The following TWIST2 variants were observed in gnomAD, a reference collection of about 807,000 sequenced individuals.
The protein encoded by TWIST2 is twist-related protein 2.
A neutral mutation model predicts 11.6 loss-of-function variants in TWIST2; 1 was observed. That is an observed-to-expected ratio of 0.09 (90% CI 0.03 to 0.41). The LOEUF (loss-of-function observed/expected upper bound fraction) is 0.41, where lower values mean the gene tolerates loss of function less well. TWIST2 is among the 10% of genes least tolerant of loss of function. The probability of loss-of-function intolerance (pLI) is 0.98; values close to 1 mark genes in which losing one functional copy is unlikely to be tolerated. For synonymous variants in TWIST2, 87 were observed against 96.6 expected (o/e 0.90, Z 0.58); for missense variants, 168 against 226.4 (o/e 0.74, Z 1.66).
chr2:238,857,849 A>G (rs1692358756), intron 1 of TWIST2, among the ~76,000 whole-genome samples: 1 of 152,180 alleles, frequency 6.6e-6, no homozygotes, highest in Non-Finnish European at 1.5e-5. Context: ...AGGCAGGAGA[A>G]TCACTTGAAC....
At chr2:238,888,538 G>A (rs186255120) in intron 1 of TWIST2, among the ~76,000 whole-genome samples, 18 of 152,278 alleles carry the variant, frequency 1.2e-4, no homozygotes, top group African/African-American at 4.3e-4. Context: ...GTATATTCAT[G>A]GGGTCTGTAT....
chr2:238,869,456 T>G (rs144567727), intron 1 of TWIST2, among the ~76,000 whole-genome samples: 2,386 of 152,324 alleles, frequency 0.016, 57 homozygotes, highest in African/African-American at 0.054. Context: ...ATCCATCTGA[T>G]AGGAGAGAAC....
At chr2:238,897,156 C>T (rs1693216137) in intron 1 of TWIST2, among the ~76,000 whole-genome samples, 1 of 152,336 alleles carries the variant, frequency 6.6e-6, no homozygotes, top group South Asian at 2.1e-4. Flanking sequence ...CCTCCAACGC[C>T]CCCTTTGAAA....
intron 1 of TWIST2, among the ~76,000 whole-genome samples, chr2:238,893,106 T>C (rs1693165752): frequency 6.6e-6 from 1 of 152,198 alleles, no homozygotes; most frequent in Non-Finnish European, 1.5e-5. Flanking sequence ...AAATCTGAGT[T>C]CCCAGGGATT....
intron 1 of TWIST2, among the ~76,000 whole-genome samples, chr2:238,883,454 C>T (rs4129101): frequency 0.59 from 89,690 of 152,042 alleles, 26,553 homozygotes; most frequent in African/African-American, 0.65. Context: ...TGACATTAAA[C>T]AGGAAAAATA....
chr2:238,894,566 A>G (rs1693185167), intron 1 of TWIST2, among the ~76,000 whole-genome samples: 1 of 152,162 alleles, frequency 6.6e-6, no homozygotes, highest in Admixed American at 6.5e-5. Flanking sequence ...TCTGACAGAG[A>G]GATCTGATGG....
intron 1 of TWIST2, among the ~76,000 whole-genome samples, chr2:238,905,022 A>G (rs1285159392): frequency 6.6e-6 from 1 of 150,932 alleles, no homozygotes; most frequent in Non-Finnish European, 1.5e-5. Context: ...AGGAAGGAAG[A>G]AAGAAGTAGG....
In TWIST2 at chr2:238,853,536, A is replaced by G. The variant is rs146976881; in HGVS notation, c.*35+4803A>G. Among the ~76,000 whole-genome samples the G allele has an allele frequency of 3.1e-3, 469 of 152,248 alleles. 4 individuals carry two copies. The highest frequency in any genetic ancestry group is 6.8e-3 in the Middle Eastern group (2 of 294). ...TTTTAATGAATAATTGTTTAGAAACATATTTTCTGTTTTTGTTTGGTAGTA... is the reference window on the plus strand; with the variant it reads ...TTTTAATGAATAATTGTTTAGAAACGTATTTTCTGTTTTTGTTTGGTAGTA... On this transcript the variant is annotated intron_variant, in intron 1 of 1. Transcript: ENST00000612363.
At chr2:238,878,700 A>G (rs886130860) in intron 1 of TWIST2, among the ~76,000 whole-genome samples, 3 of 152,228 alleles carry the variant, frequency 2.0e-5, no homozygotes, top group Non-Finnish European at 4.4e-5. Context: ...TTTCTCTGAG[A>G]ACAATAGCAA....
chr2:238,861,574 C>T lies in TWIST2; in HGVS notation c.*35+12841C>T, dbSNP rs546803016. ...TTCCGCCCTTGTCTCCTCCACTCCT[C>T]CTCCCTATCTCTATCTCACTATCCC... On this transcript the variant is annotated intron_variant, in intron 1 of 1. Coordinates refer to ENST00000612363, the MANE Select transcript of TWIST2 (RefSeq NM_001271893.4). 3.3e-5 allele frequency among the ~76,000 whole-genome samples: 5 copies of T among 152,254 alleles called. No homozygotes were observed. The East Asian group carries it at 9.7e-4, about 29-fold the overall frequency.
At chr2:238,875,383 C>T (rs1692785795) in intron 1 of TWIST2, among the ~76,000 whole-genome samples, 1 of 152,058 alleles carries the variant, frequency 6.6e-6, no homozygotes, top group South Asian at 2.1e-4. Context: ...CCCACTGGGT[C>T]AGACTTGTCA....
rs1693341092 is a variant in TWIST2 at position 238,905,920 on chromosome 2, G to GGTGTGTGT, written c.*36-3917_*36-3916insTGTGTGTG. Among the ~76,000 whole-genome samples the GGTGTGTGT allele has an allele frequency of 7.9e-3, 895 of 113,134 alleles. 6 individuals are homozygous for GGTGTGTGT. Among genetic ancestry groups the GGTGTGTGT allele is most frequent in the African/African-American group, 0.03 (824 of 27,816 alleles). 74.2% of individuals were successfully genotyped at this position (113,134 alleles called of 152,430 possible). A position where few individuals can be genotyped will look rare whatever the true frequency, so the allele number is the denominator to read the frequency against. On this transcript the variant is annotated intron_variant, in intron 1 of 1. Coordinates refer to ENST00000612363, the MANE Select transcript of TWIST2 (RefSeq NM_001271893.4). Reference sequence around the variant, plus strand: ...GCGTGTGTGCGTGTGTGTGCGTGCAGGTGTGCGTGTGCGCGTGTGTGTGCG... The same window carrying GGTGTGTGT: ...GCGTGTGTGCGTGTGTGTGCGTGCAGGTGTGTGTGTGTGCGTGTGCGCGTGTGTGTGCG...
chr2:238,903,078 TGTG>T (rs1292285143), intron 1 of TWIST2, among the ~76,000 whole-genome samples: 2 of 135,178 alleles, frequency 1.5e-5, no homozygotes, highest in African/African-American at 5.7e-5. Context: ...GTGTGTGTGA[TGTG>T]GGGTGTGTGC....
At chr2:238,879,019 T>G (rs1692856987) in intron 1 of TWIST2, among the ~76,000 whole-genome samples, 1 of 152,242 alleles carries the variant, frequency 6.6e-6, no homozygotes, top group Admixed American at 6.5e-5. Flanking sequence ...AAAAAAATTC[T>G]AATTGTATAA....
intron 1 of TWIST2, among the ~76,000 whole-genome samples, chr2:238,905,340 G>A (rs1467777204): frequency 6.6e-6 from 1 of 152,192 alleles, no homozygotes; most frequent in Middle Eastern, 3.2e-3. Context: ...CACGCAGCAC[G>A]CATGCACACA....
At chr2:238,865,971 C>G (rs926757252) in intron 1 of TWIST2, among the ~76,000 whole-genome samples, 3 of 152,228 alleles carry the variant, frequency 2.0e-5, no homozygotes, top group Non-Finnish European at 4.4e-5. Context: ...GATCTGCTGT[C>G]CCCTCTTCAG....
At position 238,848,706 on chromosome 2, in the gene TWIST2, C is replaced by A; in HGVS notation, c.*8C>A. The A allele has an allele frequency of 6.7e-7, 1 of 1,499,962 alleles. No individual in the cohort carries two copies. The highest frequency in any genetic ancestry group is 8.9e-7 in the Non-Finnish European group (1 of 1,125,722). The allele number at this position is 1,499,962 out of a possible 1,614,324, so 92.9% of individuals were successfully genotyped here. A position where few individuals can be genotyped will look rare whatever the true frequency, so the allele number is the denominator to read the frequency against. ...ATGTCCGCCTCCCACTAGCGCCGCG[C>A]CACCCACCTCCGGACCGGCGCGCCA... is the stretch of plus-strand genomic sequence containing the variant. On this transcript the variant is annotated 3_prime_UTR_variant, in exon 1 of 2. Coordinates refer to ENST00000612363, the MANE Select transcript of TWIST2 (RefSeq NM_001271893.4).
chr2:238,861,403 C>G (rs964081501), intron 1 of TWIST2, among the ~76,000 whole-genome samples: 1 of 152,160 alleles, frequency 6.6e-6, no homozygotes, highest in Non-Finnish European at 1.5e-5. Context: ...CTCTGTATGC[C>G]TGGGGGGACA....
intron 1 of TWIST2, among the ~76,000 whole-genome samples, chr2:238,852,639 T>C (rs561485287): frequency 1.4e-5 from 2 of 143,068 alleles, no homozygotes; most frequent in Non-Finnish European, 3.0e-5. Context: ...CGTGATAAAA[T>C]TGCATAGCAC....
Sources: gnomAD v4.1 joint callset for allele counts (sites outside exome capture counted in the v4.1 genomes callset) on GRCh38, gnomAD v4.1.1 for gene constraint, MANE v1.5 for transcripts, NCBI Gene and HGNC (gene_info 2026-07-23, HGNC 2026-07-21) for gene names.